The following PACSIN2 variants were observed in gnomAD, a reference collection of about 807,000 sequenced individuals.
The protein encoded by PACSIN2 is protein kinase C and casein kinase substrate in neurons 2.
Under a neutral mutation model 63.8 loss-of-function variants are expected in PACSIN2, and 25 were observed. That is an observed-to-expected ratio of 0.39 (90% CI 0.29 to 0.55). The LOEUF (loss-of-function observed/expected upper bound fraction) is 0.55, where lower values mean the gene tolerates loss of function less well. Among genes scored for constraint, PACSIN2 ranks in the 20% least tolerant of loss-of-function variants. The pLI is 0.62. For missense variants in PACSIN2, 518 were observed against 646.9 expected (o/e 0.80, Z 2.16); for synonymous variants, 255 against 256.2 (o/e 1.00, Z 0.05).
At chr22:42,909,856 G>A (rs1931331586) in intron 2 of PACSIN2, among the ~76,000 whole-genome samples, 3 of 152,176 alleles carry the variant, frequency 2.0e-5, no homozygotes, top group Admixed American at 1.3e-4. Context: ...AGTGGGTAAT[G>A]AAGACAATGT....
intron 1 of PACSIN2, among the ~76,000 whole-genome samples, chr22:42,985,962 C>T (rs1309050437): frequency 2.7e-5 from 4 of 148,782 alleles, no homozygotes; most frequent in African/African-American, 7.4e-5. Flanking sequence ...CTTGGCTTCA[C>T]CCCACACCCC....
chr22:42,963,330 A>T (rs922214229), intron 1 of PACSIN2, among the ~76,000 whole-genome samples: 1 of 152,208 alleles, frequency 6.6e-6, no homozygotes. Context: ...AAAATTCAGA[A>T]ACAGAGAGTC....
At chr22:42,875,481 C>T (rs1928541849) in intron 10 of PACSIN2, among the ~76,000 whole-genome samples, 1 of 151,554 alleles carries the variant, frequency 6.6e-6, no homozygotes, top group African/African-American at 2.4e-5. Flanking sequence ...GTGATCCTCC[C>T]ACCTCAGCCT....
chr22:42,997,599 TG>T (rs1923497558), intron 1 of PACSIN2, among the ~76,000 whole-genome samples: 1 of 150,346 alleles, frequency 6.7e-6, no homozygotes. Flanking sequence ...TAAAAATGAA[TG>T]GGGATTTATG....
At chr22:42,966,447 C>T (rs1458446407) in intron 1 of PACSIN2, among the ~76,000 whole-genome samples, 1 of 151,930 alleles carries the variant, frequency 6.6e-6, no homozygotes, top group African/African-American at 2.4e-5. Flanking sequence ...CTAACATTCT[C>T]TATCAAAGAA....
chr22:42,939,639 G>T lies in PACSIN2; in HGVS notation c.-77-27482C>A, dbSNP rs184313520. 3.5e-3 allele frequency among the ~76,000 whole-genome samples: 540 copies of T among 152,256 alleles called. 1 individual carries two copies. Among genetic ancestry groups the T allele is most frequent in the African/African-American group, 0.013 (523 of 41,546 alleles). ...AACTTTTGCTTTCAAAGTTGGGTGGGACTAGAACACACAATGGAAGGATGG... is the reference window on the plus strand; with the variant it reads ...AACTTTTGCTTTCAAAGTTGGGTGGTACTAGAACACACAATGGAAGGATGG... On this transcript the variant is annotated intron_variant, in intron 1 of 10. Coordinates refer to ENST00000263246, the MANE Select transcript of PACSIN2 (RefSeq NM_001184970.3).
At chr22:42,971,200 C>CTCA (rs1054585046) in intron 1 of PACSIN2, among the ~76,000 whole-genome samples, 1 of 152,258 alleles carries the variant, frequency 6.6e-6, no homozygotes, top group African/African-American at 2.4e-5. Context: ...ATTCTCCTGC[C>CTCA]TCAGCCTGCC....
chr22:42,942,106 T>C (rs1933196782), intron 1 of PACSIN2, among the ~76,000 whole-genome samples: 1 of 150,966 alleles, frequency 6.6e-6, no homozygotes. Context: ...AGTTCTTTTT[T>C]TTTTTTTTTT....
chr22:42,927,521 T>C (rs2146765457), intron 1 of PACSIN2, among the ~76,000 whole-genome samples: 1 of 152,286 alleles, frequency 6.6e-6, no homozygotes, highest in African/African-American at 2.4e-5. Context: ...AGTGCTGGGA[T>C]TACAGGCGTG....
intron 1 of PACSIN2, among the ~76,000 whole-genome samples, chr22:42,923,477 G>A (rs1190539826): frequency 6.6e-6 from 1 of 152,074 alleles, no homozygotes; most frequent in East Asian, 1.9e-4. Context: ...GCCCAGGCTG[G>A]AGTGCAGTGG....
At chr22:42,977,758 T>C (rs184384710) in intron 1 of PACSIN2, among the ~76,000 whole-genome samples, 174 of 152,260 alleles carry the variant, frequency 1.1e-3, no homozygotes, top group Middle Eastern at 6.8e-3. Context: ...ATCTGAAGCA[T>C]GTGGCACTTC....
intron 1 of PACSIN2, among the ~76,000 whole-genome samples, chr22:43,004,879 C>G (rs765769171): frequency 6.6e-6 from 1 of 152,180 alleles, no homozygotes; most frequent in African/African-American, 2.4e-5. Flanking sequence ...AAACCACTCA[C>G]CCCTTTAGCT....
At chr22:42,880,662 G>A (rs900758373) in intron 7 of PACSIN2, 2 of 152,242 alleles carry the variant, frequency 1.3e-5, no homozygotes, top group Admixed American at 1.3e-4. Context: ...TTGCATTAGA[G>A]AAAGGCATGG....
intron 1 of PACSIN2, among the ~76,000 whole-genome samples, chr22:42,936,918 G>GA (rs1491410989): frequency 7.9e-6 from 1 of 127,248 alleles, no homozygotes; most frequent in African/African-American, 2.8e-5. Flanking sequence ...CTCAAAAAAA[G>GA]GGGGGGGGGC....
At chr22:42,948,787 C>T (rs563322753) in intron 1 of PACSIN2, among the ~76,000 whole-genome samples, 17 of 152,316 alleles carry the variant, frequency 1.1e-4, no homozygotes, top group South Asian at 8.3e-4. Flanking sequence ...AGCCAAAGCA[C>T]TCTACTGTAG....
intron 1 of PACSIN2, among the ~76,000 whole-genome samples, chr22:42,920,884 C>T (rs1355193104): frequency 6.8e-6 from 1 of 147,274 alleles, no homozygotes; most frequent in Non-Finnish European, 1.5e-5. Flanking sequence ...CTCACTGCAG[C>T]CTCAACCTCC....
At chr22:42,945,091 C>A (rs1445560121) in intron 1 of PACSIN2, among the ~76,000 whole-genome samples, 1 of 104,188 alleles carries the variant, frequency 9.6e-6, no homozygotes, top group Non-Finnish European at 1.9e-5. Flanking sequence ...GGGCAAGACT[C>A]GTCTCAAAAA....
At chr22:43,014,227 T>G (rs188683628) in intron 1 of PACSIN2, among the ~76,000 whole-genome samples, 1 of 150,810 alleles carries the variant, frequency 6.6e-6, no homozygotes, top group Non-Finnish European at 1.5e-5. Flanking sequence ...CTGGGGAAAC[T>G]CTGAGGAGGG....
intron 1 of PACSIN2, among the ~76,000 whole-genome samples, chr22:42,955,437 A>G (rs1478809913): frequency 6.6e-6 from 1 of 151,994 alleles, no homozygotes; most frequent in African/African-American, 2.4e-5. Context: ...CTGCATGTCT[A>G]CCAATAAAAG....
Sources: allele counts gnomAD v4.1 joint callset (sites outside exome capture counted in the v4.1 genomes callset), GRCh38; gene constraint gnomAD v4.1.1; transcripts MANE v1.5; gene names NCBI Gene and HGNC (gene_info 2026-07-23, HGNC 2026-07-21).